TNFSF13B: variants seen among roughly 807,000 people sequenced by gnomAD.
TNFSF13B encodes the protein TNF superfamily member 13b.
Under a neutral mutation model 29.1 loss-of-function variants are expected in TNFSF13B, and 8 were observed. That is an observed-to-expected ratio of 0.27 (90% confidence interval 0.16 to 0.50). The LOEUF (loss-of-function observed/expected upper bound fraction) is 0.50, where lower values mean the gene tolerates loss of function less well. Ranked by LOEUF, TNFSF13B falls within the 20% of genes least tolerant of loss-of-function variation. The pLI is 0.98. For synonymous variants in TNFSF13B, 125 were observed against 130.8 expected (o/e 0.96, Z 0.30); for missense variants, 248 against 334.9 (o/e 0.74, Z 2.03).
intron 3 of TNFSF13B, among the ~76,000 whole-genome samples, chr13:108,290,233 A>T (rs1881266277): frequency 6.6e-6 from 1 of 152,068 alleles, no homozygotes; most frequent in African/African-American, 2.4e-5. Context: ...CCTCATATGA[A>T]AAAAAAAGCA....
intron 3 of TNFSF13B, among the ~76,000 whole-genome samples, chr13:108,297,430 G>C (rs1881484171): frequency 1.4e-5 from 2 of 145,340 alleles, no homozygotes; most frequent in Non-Finnish European, 3.1e-5. Flanking sequence ...GGAATCTTTT[G>C]TGTTTACCCT....
intron 3 of TNFSF13B, among the ~76,000 whole-genome samples, chr13:108,300,139 T>C (rs994260333): frequency 1.3e-5 from 2 of 152,172 alleles, no homozygotes; most frequent in Admixed American, 1.3e-4. Flanking sequence ...ACTACCTCTA[T>C]GATGGAGGGC....
At chr13:108,275,595 A>C (rs1034835017) in intron 2 of TNFSF13B, among the ~76,000 whole-genome samples, 1 of 152,136 alleles carries the variant, frequency 6.6e-6, no homozygotes, top group African/African-American at 2.4e-5. Flanking sequence ...TCACCTTCCA[A>C]ATAATTATCA....
chr13:108,289,550 T>G (rs1417788862), intron 3 of TNFSF13B, among the ~76,000 whole-genome samples: 1 of 147,968 alleles, frequency 6.8e-6, no homozygotes, highest in African/African-American at 2.5e-5. Context: ...ATTAGCATAT[T>G]ATATGTAATT....
chr13:108,292,865 T>C (rs902397397), intron 3 of TNFSF13B, among the ~76,000 whole-genome samples: 1 of 152,174 alleles, frequency 6.6e-6, no homozygotes, highest in African/African-American at 2.4e-5. Flanking sequence ...TTCTCCTCTT[T>C]TGTGGATTAT....
At chr13:108,292,812 TA>T (rs1881358672) in intron 3 of TNFSF13B, among the ~76,000 whole-genome samples, 1 of 152,160 alleles carries the variant, frequency 6.6e-6, no homozygotes, top group African/African-American at 2.4e-5. Context: ...CCTTATATAT[TA>T]TGGATACAAG....
At chr13:108,306,678 G>A in intron 5 of TNFSF13B, 148 bp from the exon 6 acceptor site, 1 of 501,728 alleles carries the variant, frequency 2.0e-6, no homozygotes, top group South Asian at 3.0e-5. Context: ...TAAGATAATT[G>A]CAATGGTTTA....
intron 3 of TNFSF13B, among the ~76,000 whole-genome samples, chr13:108,289,505 C>T (rs900489295): frequency 6.7e-6 from 1 of 150,216 alleles, no homozygotes; most frequent in Non-Finnish European, 1.5e-5. Context: ...CATAAGAAGA[C>T]TTCTGGGAAA....
intron 2 of TNFSF13B, among the ~76,000 whole-genome samples, chr13:108,284,098 G>A (rs1314929873): frequency 1.3e-5 from 2 of 152,114 alleles, no homozygotes; most frequent in African/African-American, 4.8e-5. Context: ...TGGGAGGCGA[G>A]GTGGGCGGTT....
chr13:108,282,229 G>A lies in TNFSF13B; in HGVS notation c.425-4574G>A, dbSNP rs190961973. On this transcript the variant is annotated intron_variant, in intron 2 of 5. Coordinates refer to ENST00000375887, the MANE Select transcript of TNFSF13B (RefSeq NM_006573.5). ...TCTGTGGGTGCAGGTGATATGGATG[G>A]GATAATCGTAATGGGAATGCTCTGT... Among the ~76,000 whole-genome samples, 9 of 152,276 alleles carry A rather than the reference G, an allele frequency of 5.9e-5. No individual in the cohort carries two copies. The East Asian group carries it at 1.7e-3, about 29-fold the overall frequency.
At chr13:108,304,632 T>C in intron 5 of TNFSF13B, among the ~76,000 whole-genome samples, 1 of 152,176 alleles carries the variant, frequency 6.6e-6, no homozygotes, top group Non-Finnish European at 1.5e-5. Context: ...TCCAGAACCC[T>C]GAGGAATGGC....
At chr13:108,288,100 T>C (rs1881195632) in intron 3 of TNFSF13B, among the ~76,000 whole-genome samples, 1 of 152,212 alleles carries the variant, frequency 6.6e-6, no homozygotes, top group Non-Finnish European at 1.5e-5. Context: ...CACAAATTTT[T>C]GTGACTATGC....
At chr13:108,295,700 A>C (rs1391558583) in intron 3 of TNFSF13B, among the ~76,000 whole-genome samples, 1 of 145,194 alleles carries the variant, frequency 6.9e-6, no homozygotes, top group Non-Finnish European at 1.5e-5. Context: ...TGCTACTTTC[A>C]CTGCTTCCTA....
intron 2 of TNFSF13B, among the ~76,000 whole-genome samples, chr13:108,274,961 AT>A (rs1880724862): frequency 6.6e-6 from 1 of 152,100 alleles, no homozygotes; most frequent in Non-Finnish European, 1.5e-5. Context: ...TAATGTTTTA[AT>A]TTTAGAATTT....
rs200671396 is a variant in TNFSF13B, at chr13:108,270,127, A to G, written c.232A>G (p.Ser78Gly). The G allele has an allele frequency of 2.2e-5, 35 of 1,602,452 alleles. No individual in the cohort carries two copies. Among genetic ancestry groups the G allele is most frequent in the Non-Finnish European group, 2.8e-5 (33 of 1,179,932 alleles). The stretch of plus-strand genomic sequence containing the variant: ...GGCCGCCCTGCAAGGGGACCTGGCC[A>G]GCCTCCGGGCAGAGCTGCAGGGCCA... ...QVAALQGDLA[S>G]LRAELQGHHA... The change falls in exon 1 of 6, where the codon AGC becomes GGC. Residue 78 changes from serine to glycine, a missense_variant. Physicochemically the swap from Ser to Gly is moderately conservative, Grantham distance 56 (BLOSUM62 0). This residue lies in a region of TNFSF13B where 186 missense variants were observed against 196.3 expected (regional missense o/e 0.95). Coordinates refer to ENST00000375887, the MANE Select transcript of TNFSF13B (RefSeq NM_006573.5).
chr13:108,287,516 T>A (rs1881179993), intron 3 of TNFSF13B, among the ~76,000 whole-genome samples: 1 of 152,154 alleles, frequency 6.6e-6, no homozygotes, highest in South Asian at 2.1e-4. Flanking sequence ...CACGAATACT[T>A]AGAAATGTTA....
chr13:108,303,119 T>C (rs1043357069), intron 3 of TNFSF13B, 134 bp from the exon 4 acceptor site: 2 of 733,732 alleles, frequency 2.7e-6, no homozygotes, highest in Non-Finnish European at 2.1e-6. Flanking sequence ...CTTTTTCCTT[T>C]TTTTTCTTTC....
At position 108,284,496 on chromosome 13, in the gene TNFSF13B, T is replaced by C. The variant is rs191881217; in HGVS notation, c.425-2307T>C. On this transcript the variant is annotated intron_variant, in intron 2 of 5. Coordinates refer to ENST00000375887, the MANE Select transcript of TNFSF13B (RefSeq NM_006573.5). ...CACGGTGTCCTTCCATGATGTTTTC[T>C]AAGTTATTTGCCTTGATATTATTAA... is the stretch of plus-strand genomic sequence containing the variant. Among the ~76,000 whole-genome samples the C allele has an allele frequency of 9.6e-4, 146 of 152,358 alleles. 1 individual carries two copies. In the East Asian group the frequency reaches 0.023, roughly 24 times the overall value.
At chr13:108,298,327 C>T (rs1447199973) in intron 3 of TNFSF13B, among the ~76,000 whole-genome samples, 3 of 144,770 alleles carry the variant, frequency 2.1e-5, no homozygotes, top group Admixed American at 2.0e-4. Flanking sequence ...ATAAGAGACC[C>T]CCCAGGATAC....
Sources: gnomAD v4.1 joint callset for allele counts (sites outside exome capture counted in the v4.1 genomes callset) on GRCh38, gnomAD v4.1.1 for gene constraint, gnomAD v4.1.1 regional missense constraint, MANE v1.5 for transcripts, NCBI Gene and HGNC (gene_info 2026-07-23, HGNC 2026-07-21) for gene names.